The following INTU variants were observed in gnomAD, a reference collection of about 807,000 sequenced individuals.
INTU encodes inturned planar cell polarity protein.
Under a neutral mutation model 100.5 loss-of-function variants are expected in INTU, and 68 were observed. That is an observed-to-expected ratio of 0.68 (90% CI 0.56 to 0.83). INTU has a LOEUF of 0.83. INTU is among the 40% of genes least tolerant of loss of function. The probability of loss-of-function intolerance (pLI) is 0.00; values close to 1 mark genes in which losing one functional copy is unlikely to be tolerated. For missense variants in INTU, 1,071 were observed against 1,114.7 expected (o/e 0.96, Z 0.56); for synonymous variants, 357 against 395.7 (o/e 0.90, Z 1.16).
At chr4:127,673,330 C>T (rs2126211461) in intron 5 of INTU, among the ~76,000 whole-genome samples, 1 of 151,518 alleles carries the variant, frequency 6.6e-6, no homozygotes, top group South Asian at 2.1e-4. Flanking sequence ...TACAGGACCA[C>T]TCCACTACAC....
chr4:127,721,461 T>A lies in INTU; in HGVS notation c.*5025T>A, dbSNP rs1429445628. 6.6e-6 allele frequency: 1 copy of A among 152,220 alleles called. No homozygotes were observed. Among genetic ancestry groups the A allele is most frequent in the Non-Finnish European group, 1.5e-5 (1 of 68,036 alleles). 9.4% of individuals were successfully genotyped at this position (152,220 alleles called of 1,614,324 possible). A position where few individuals can be genotyped will look rare whatever the true frequency, so the allele number is the denominator to read the frequency against. On this transcript the variant is annotated 3_prime_UTR_variant, in exon 16 of 16. Coordinates refer to ENST00000335251, the MANE Select transcript of INTU (RefSeq NM_015693.4). ...ATGATTATGTGTCTTGGGGTTGATCTCATGGAGTATTGTATTGGGGTTCTC... is the reference window on the plus strand; with the variant it reads ...ATGATTATGTGTCTTGGGGTTGATCACATGGAGTATTGTATTGGGGTTCTC...
rs771750685 is a variant in INTU at position 127,687,814 on chromosome 4, C to G, written c.1396C>G (p.Leu466Val). 3.1e-6 allele frequency: 5 copies of G among 1,607,796 alleles called. No homozygotes were observed. Among genetic ancestry groups the G allele is most frequent in the Non-Finnish European group, 3.4e-6 (4 of 1,176,092 alleles). ...GCAGTACGATGCTTCCAGTGCAGTA[C>G]TTTTAGACAACCTCCCTGGAGTCCG... ...AQQYDASSAV[L>V]LDNLPGVRWL... Residue 466 changes from leucine (L) to valine (V), a missense_variant, in exon 8 of 16, where the codon CTT becomes GTT. Coordinates refer to ENST00000335251, the MANE Select transcript of INTU (RefSeq NM_015693.4).
chr4:127,656,553 G>T (rs917535465), intron 2 of INTU, 83 bp from the exon 3 acceptor site: 4 of 924,978 alleles, frequency 4.3e-6, no homozygotes. Flanking sequence ...GGATGTCAGA[G>T]TAGCTGTTTA....
chr4:127,658,204 G>T (rs982068922), intron 3 of INTU, among the ~76,000 whole-genome samples: 4 of 152,182 alleles, frequency 2.6e-5, no homozygotes, highest in Non-Finnish European at 5.9e-5. Context: ...GTATGTGTGC[G>T]CATGCACACA....
intron 15 of INTU, among the ~76,000 whole-genome samples, chr4:127,714,556 T>C (rs1010220657): frequency 6.6e-6 from 1 of 152,182 alleles, no homozygotes; most frequent in African/African-American, 2.4e-5. Flanking sequence ...TTTCTGTTGT[T>C]CCTTCTGCAT....
intron 2 of INTU, among the ~76,000 whole-genome samples, chr4:127,650,496 A>G (rs937349588): frequency 6.6e-6 from 1 of 151,636 alleles, no homozygotes; most frequent in Non-Finnish European, 1.5e-5. Context: ...TTCTTGCGAT[A>G]GTTTACTGAG....
At chr4:127,675,846 TA>T in intron 6 of INTU, 1 of 249,926 alleles carries the variant, frequency 4.0e-6, no homozygotes, top group Non-Finnish European at 8.6e-6. Flanking sequence ...GGCTTAGTCT[TA>T]AAAGTGATAC....
chr4:127,667,772 A>G (rs2126204938), intron 4 of INTU, among the ~76,000 whole-genome samples: 1 of 152,206 alleles, frequency 6.6e-6, no homozygotes, highest in Non-Finnish European at 1.5e-5. Flanking sequence ...AATTACTGCA[A>G]TACAATTTTA....
intron 6 of INTU, among the ~76,000 whole-genome samples, chr4:127,682,220 GA>G (rs1342618426): frequency 1.3e-5 from 2 of 152,154 alleles, no homozygotes; most frequent in East Asian, 3.9e-4. Context: ...TCTAGAACTA[GA>G]AATACGATTT....
intron 2 of INTU, among the ~76,000 whole-genome samples, chr4:127,649,818 C>G (rs1026983307): frequency 6.6e-6 from 1 of 152,006 alleles, no homozygotes; most frequent in African/African-American, 2.4e-5. Flanking sequence ...GTAAATATTT[C>G]TTAAATGAAT....
At chr4:127,694,451 C>A (rs1342782293) in intron 8 of INTU, among the ~76,000 whole-genome samples, 1 of 151,806 alleles carries the variant, frequency 6.6e-6, no homozygotes, top group Non-Finnish European at 1.5e-5. Flanking sequence ...TTATTTGGAT[C>A]TTCTCTCTTT....
At chr4:127,707,826 A>G (rs1177256495) in intron 12 of INTU, among the ~76,000 whole-genome samples, 2 of 152,204 alleles carry the variant, frequency 1.3e-5, no homozygotes, top group Non-Finnish European at 2.9e-5. Context: ...TTATCAAAAC[A>G]TTCACCCTGG....
intron 6 of INTU, among the ~76,000 whole-genome samples, chr4:127,679,649 C>G (rs1343552204): frequency 6.6e-6 from 1 of 151,664 alleles, no homozygotes; most frequent in African/African-American, 2.4e-5. Flanking sequence ...CAAGAGAAAG[C>G]AGGAAAGATC....
intron 11 of INTU, among the ~76,000 whole-genome samples, 178 bp downstream of exon 11, chr4:127,705,990 A>G (rs923208788): frequency 4.6e-5 from 7 of 152,196 alleles, no homozygotes; most frequent in Non-Finnish European, 1.0e-4. Context: ...AGGAAATGTT[A>G]CATGTCCCCT....
intron 1 of INTU, among the ~76,000 whole-genome samples, chr4:127,641,408 C>T (rs547174318): frequency 1.3e-5 from 2 of 152,218 alleles, no homozygotes; most frequent in South Asian, 2.1e-4. Context: ...AGTGGTTGTC[C>T]GTCTAGGCCA....
chr4:127,707,639 G>A (rs570955079), intron 12 of INTU, among the ~76,000 whole-genome samples: 109 of 151,792 alleles, frequency 7.2e-4, no homozygotes, highest in African/African-American at 2.5e-3. Flanking sequence ...GTGTATTTGT[G>A]TGTCTGTGTG....
chr4:127,668,800 A>G (rs1013613545), intron 4 of INTU, among the ~76,000 whole-genome samples: 6 of 151,864 alleles, frequency 4.0e-5, no homozygotes, highest in African/African-American at 1.4e-4. Context: ...TTAGTATATT[A>G]TTTGTTATTA....
chr4:127,664,533 A>T (rs943837445), intron 4 of INTU, among the ~76,000 whole-genome samples: 2 of 151,926 alleles, frequency 1.3e-5, no homozygotes, highest in Admixed American at 1.3e-4. Context: ...ATATATTTTG[A>T]GACAATTTTG....
chr4:127,713,830 C>A, intron 14 of INTU, 106 bp from the exon 15 acceptor site: 3 of 708,632 alleles, frequency 4.2e-6, no homozygotes, highest in Non-Finnish European at 6.7e-6. Context: ...AATGTCATTG[C>A]AGGCACTGAA....
Sources: gnomAD v4.1 joint callset for allele counts (sites outside exome capture counted in the v4.1 genomes callset) on GRCh38, gnomAD v4.1.1 for gene constraint, MANE v1.5 for transcripts, NCBI Gene and HGNC (gene_info 2026-07-23, HGNC 2026-07-21) for gene names.